Variants in SLC39A11 observed in about 807,000 individuals in gnomAD.
SLC39A11 encodes solute carrier family 39 member 11, also known as zinc transporter ZIP11.
A neutral mutation model predicts 36.1 loss-of-function variants in SLC39A11; 33 were observed. That is an observed-to-expected ratio of 0.91 (90% CI 0.69 to 1.22). The LOEUF is 1.22. Among genes scored for constraint, SLC39A11 ranks in the 50% most tolerant of loss-of-function variants. The probability of loss-of-function intolerance (pLI) is 0.00; values close to 1 mark genes in which losing one functional copy is unlikely to be tolerated. For synonymous variants in SLC39A11, 166 were observed against 170.3 expected, an observed-to-expected ratio of 0.97 and a Z score of 0.20; for missense variants, 432 against 430.3, an observed-to-expected ratio of 1.00 and a Z score of -0.03.
chr17:72,890,498 T>C (rs2146711139), intron 5 of SLC39A11, among the ~76,000 whole-genome samples: 1 of 152,192 alleles, frequency 6.6e-6, no homozygotes, highest in African/African-American at 2.4e-5. Context: ...GTTCCTGGCT[T>C]GAGTGACTGA....
In SLC39A11 at chr17:72,648,891, C is replaced by G. The variant is rs2069710980; in HGVS notation, c.841G>C (p.Glu281Gln). The G allele has an allele frequency of 6.2e-7, 1 of 1,614,032 alleles. No homozygotes were observed. The highest frequency in any genetic ancestry group is 1.1e-5 in the South Asian group (1 of 91,088). Residue 281 changes from glutamate to glutamine, a missense_variant, in exon 9 of 10, where the codon GAG becomes CAG. By Grantham distance (29) the Glu-to-Gln change is conservative. Coordinates refer to ENST00000255559, the MANE Select transcript of SLC39A11 (RefSeq NM_139177.4). ...VFGAFAVVLA[E>Q]PILPYALAFA... ...GCCAGAGCGTAGGGCAGGATGGGCT[C>G]AGCCAGCACCACGGCAAAGGCACCA...
At chr17:72,684,186 A>C (rs1419667317) in intron 7 of SLC39A11, among the ~76,000 whole-genome samples, 1 of 152,134 alleles carries the variant, frequency 6.6e-6, no homozygotes, top group Non-Finnish European at 1.5e-5. Context: ...ATGAGTCAAG[A>C]GACTGGGTTC....
At chr17:72,676,860 T>C (rs2071282630) in intron 7 of SLC39A11, among the ~76,000 whole-genome samples, 1 of 152,120 alleles carries the variant, frequency 6.6e-6, no homozygotes, top group Non-Finnish European at 1.5e-5. Context: ...TGGTCGACAG[T>C]ATTGTGCGTG....
rs1336098402 is a variant in SLC39A11, at chr17:73,000,785, G to T, written c.306+30771C>A. Among the ~76,000 whole-genome samples the T allele has an allele frequency of 3.3e-5, 5 of 152,174 alleles. No homozygotes were observed. The East Asian group carries it at 9.6e-4, about 29-fold the overall frequency. ...CTCAGCCCAAACATACCTTCCTATA[G>T]CTCCAAGATATTAAGGCTGAGGCTT... On this transcript the variant is annotated intron_variant, in intron 4 of 9. Transcript: ENST00000255559.
At chr17:72,748,275 T>TCG (rs1308833721) in intron 6 of SLC39A11, among the ~76,000 whole-genome samples, 1 of 150,306 alleles carries the variant, frequency 6.7e-6, no homozygotes, top group Admixed American at 6.7e-5. Context: ...TGAGCCGAGA[T>TCG]CGCGCCATTG....
intron 5 of SLC39A11, among the ~76,000 whole-genome samples, chr17:72,869,997 C>G (rs1431676926): frequency 6.6e-6 from 1 of 152,000 alleles, no homozygotes. Flanking sequence ...TAGATCGTAT[C>G]CAGTTTTGCA....
intron 7 of SLC39A11, among the ~76,000 whole-genome samples, chr17:72,649,644 C>CTTTTTTTTTTTTTT (rs5821920): frequency 2.9e-5 from 4 of 138,200 alleles, no homozygotes; most frequent in Admixed American, 7.2e-5. Flanking sequence ...TTTTCTTTTT[C>CTTTTTTTTTTTTTT]TTTTTTTTTT....
intron 4 of SLC39A11, among the ~76,000 whole-genome samples, chr17:73,006,651 AACACAC>A (rs144245639): frequency 3.4e-5 from 5 of 149,124 alleles, no homozygotes; most frequent in East Asian, 3.9e-4. Context: ...TCAGTTTGTA[AACACAC>A]ACACACACAC....
chr17:72,701,901 T>A (rs1402176393), intron 7 of SLC39A11, among the ~76,000 whole-genome samples: 1 of 151,972 alleles, frequency 6.6e-6, no homozygotes, highest in African/African-American at 2.4e-5. Flanking sequence ...AGAAGTTAAG[T>A]TTGAGACCAG....
intron 7 of SLC39A11, among the ~76,000 whole-genome samples, chr17:72,720,595 A>T (rs541000935): frequency 6.6e-6 from 1 of 152,142 alleles, no homozygotes; most frequent in African/African-American, 2.4e-5. Context: ...AGGATGTGTC[A>T]TGGGTGTGCC....
chr17:72,692,172 T>C (rs747565092), intron 7 of SLC39A11, among the ~76,000 whole-genome samples: 2 of 152,046 alleles, frequency 1.3e-5, no homozygotes, highest in African/African-American at 2.4e-5. Context: ...CCACCACACC[T>C]GGCTAATTTT....
At chr17:73,083,217 AG>A (rs1599213232) in intron 3 of SLC39A11, among the ~76,000 whole-genome samples, 1 of 152,186 alleles carries the variant, frequency 6.6e-6, no homozygotes, top group African/African-American at 2.4e-5. Flanking sequence ...GAAAGAAAGT[AG>A]GGCTGGCTTC....
intron 4 of SLC39A11, among the ~76,000 whole-genome samples, chr17:73,019,035 C>T (rs560145085): frequency 2.0e-5 from 3 of 152,150 alleles, no homozygotes; most frequent in Non-Finnish European, 2.9e-5. Flanking sequence ...TCATCTTCAA[C>T]GTCCTAAAAG....
chr17:72,817,373 T>A (rs2077618407), intron 6 of SLC39A11, among the ~76,000 whole-genome samples: 1 of 146,554 alleles, frequency 6.8e-6, no homozygotes, highest in African/African-American at 2.5e-5. Flanking sequence ...GAGGAGGAGG[T>A]GGTGGTGTAA....
At chr17:72,859,770 C>T (rs1042013100) in intron 5 of SLC39A11, among the ~76,000 whole-genome samples, 18 of 143,638 alleles carry the variant, frequency 1.3e-4, no homozygotes, top group East Asian at 2.1e-4. Flanking sequence ...TGGCGGATCA[C>T]AAGGTCAGGA....
intron 4 of SLC39A11, among the ~76,000 whole-genome samples, chr17:72,987,163 G>C (rs541197750): frequency 1.3e-5 from 2 of 152,316 alleles, no homozygotes; most frequent in Admixed American, 1.3e-4. Context: ...TCCTTCGCTT[G>C]TCACGTCACA....
intron 7 of SLC39A11, among the ~76,000 whole-genome samples, chr17:72,649,848 C>T (rs2069770454): frequency 6.6e-6 from 1 of 152,030 alleles, no homozygotes; most frequent in Non-Finnish European, 1.5e-5. Flanking sequence ...CTGCCTTGGC[C>T]TCCCAAAGTG....
chr17:72,908,856 T>C (rs1456991911), intron 5 of SLC39A11, among the ~76,000 whole-genome samples: 1 of 152,152 alleles, frequency 6.6e-6, no homozygotes, highest in African/African-American at 2.4e-5. Flanking sequence ...CAAACAAGGA[T>C]GCTGGCCAGA....
intron 5 of SLC39A11, among the ~76,000 whole-genome samples, chr17:72,858,175 G>A (rs368993826): frequency 2.6e-5 from 4 of 152,174 alleles, no homozygotes; most frequent in East Asian, 3.8e-4. Context: ...AAGGGATCCA[G>A]TTTAATTTCT....
Sources: gnomAD v4.1 joint callset for allele counts (sites outside exome capture counted in the v4.1 genomes callset) on GRCh38, gnomAD v4.1.1 for gene constraint, MANE v1.5 for transcripts, NCBI Gene and HGNC (gene_info 2026-07-23, HGNC 2026-07-21) for gene names.